The following ASPRV1 variants were observed in gnomAD, a reference collection of about 807,000 sequenced individuals.
ASPRV1 encodes aspartic peptidase retroviral like 1.
A neutral mutation model predicts 11.0 loss-of-function variants in ASPRV1; 7 were observed. The ratio of observed to expected loss-of-function variants is 0.64; its 90% confidence interval spans 0.36 to 1.20. ASPRV1 has a LOEUF of 1.20. ASPRV1 is among the 50% of genes most tolerant of loss of function. The pLI is 0.02. For missense variants in ASPRV1, 299 were observed against 320.0 expected (o/e 0.93, Z 0.50); for synonymous variants, 136 against 138.4 (o/e 0.98, Z 0.12).
chr2:70,055,272 C>T, the ASPRV1 span, among the ~76,000 whole-genome samples: 2 of 152,134 alleles, frequency 1.3e-5, no homozygotes, highest in Non-Finnish European at 2.9e-5. Context: ...CCACTACACT[C>T]TGATGCCACT....
At chr2:70,008,107 A>G in the ASPRV1 span, among the ~76,000 whole-genome samples, 1 of 152,016 alleles carries the variant, frequency 6.6e-6, no homozygotes, top group African/African-American at 2.4e-5. Context: ...AAGTACTGGG[A>G]TTATAGGCAT....
chr2:69,969,865 G>C, the ASPRV1 span, among the ~76,000 whole-genome samples: 1 of 151,062 alleles, frequency 6.6e-6, no homozygotes, highest in Non-Finnish European at 1.5e-5. Context: ...GATCAGAGGT[G>C]CACACCACCA....
At chr2:69,988,884 G>A in the ASPRV1 span, 1 of 450,834 alleles carries the variant, frequency 2.2e-6, no homozygotes, top group South Asian at 1.6e-5. Flanking sequence ...TCACACACAG[G>A]TTCCCCTCAA....
chr2:69,992,167 T>C, the ASPRV1 span, among the ~76,000 whole-genome samples: 9 of 152,234 alleles, frequency 5.9e-5, no homozygotes, highest in South Asian at 8.3e-4. Context: ...TTTCTGCCAG[T>C]GTGAGGACTA....
the ASPRV1 span, among the ~76,000 whole-genome samples, chr2:70,055,274 G>A: frequency 6.6e-6 from 1 of 152,018 alleles, no homozygotes; most frequent in Non-Finnish European, 1.5e-5. Context: ...ACTACACTCT[G>A]ATGCCACTGG....
At chr2:70,086,062 A>C in the ASPRV1 span, 1 of 149,874 alleles carries the variant, frequency 6.7e-6, no homozygotes. Flanking sequence ...CACATTTTAC[A>C]GTCATTCGCG....
At chr2:70,030,594 G>C in the ASPRV1 span, 1 of 152,306 alleles carries the variant, frequency 6.6e-6, no homozygotes, top group East Asian at 1.9e-4. Context: ...AGGCTTTCCA[G>C]ACATTAGGCC....
chr2:70,023,274 G>A, the ASPRV1 span, among the ~76,000 whole-genome samples: 4 of 152,172 alleles, frequency 2.6e-5, no homozygotes, highest in Non-Finnish European at 5.9e-5. Context: ...TGAATCTGAT[G>A]TGATACAACA....
chr2:69,945,607 C>T, the ASPRV1 span, among the ~76,000 whole-genome samples: 54 of 152,332 alleles, frequency 3.5e-4, no homozygotes, highest in South Asian at 8.7e-3. Context: ...TTCAGGCAGA[C>T]GGCAGGGCAG....
the ASPRV1 span, among the ~76,000 whole-genome samples, chr2:70,001,699 G>A: frequency 2.0e-5 from 3 of 152,114 alleles, no homozygotes; most frequent in Non-Finnish European, 4.4e-5. Flanking sequence ...GATGGAGGTT[G>A]CAGTGAGCCA....
At chr2:69,954,413 A>G in the ASPRV1 span, among the ~76,000 whole-genome samples, 9 of 152,212 alleles carry the variant, frequency 5.9e-5, no homozygotes, top group African/African-American at 2.2e-4. Context: ...ATCCAGATAT[A>G]CCATTGGCAG....
chr2:70,044,259 G>A, the ASPRV1 span, among the ~76,000 whole-genome samples: 1 of 152,088 alleles, frequency 6.6e-6, no homozygotes, highest in Non-Finnish European at 1.5e-5. Context: ...ATAGCAAACA[G>A]CTAGGGCAAG....
At chr2:69,963,075 T>C (rs1265571491), upstream of ASPRV1, 2 of 357,022 alleles carry the variant, frequency 5.6e-6, no homozygotes, top group African/African-American at 4.3e-5. Flanking sequence ...ATCCCAGCAG[T>C]ACCCTGCCTT....
downstream of ASPRV1, among the ~76,000 whole-genome samples, chr2:69,957,773 A>G (rs754287440): frequency 5.3e-5 from 8 of 152,084 alleles, no homozygotes; most frequent in Non-Finnish European, 1.0e-4. Context: ...TGGGTTCCCA[A>G]GCCTGCTGCA....
chr2:69,982,437 C>T, the ASPRV1 span, among the ~76,000 whole-genome samples: 1 of 152,260 alleles, frequency 6.6e-6, no homozygotes, highest in South Asian at 2.1e-4. Context: ...GCCTGGGTGA[C>T]AGAGCAAAAC....
chr2:70,005,064 TTA>T, the ASPRV1 span, among the ~76,000 whole-genome samples: 1 of 111,154 alleles, frequency 9.0e-6, no homozygotes, highest in East Asian at 4.0e-4. Flanking sequence ...TGGTTTCTTA[TTA>T]TTATTATTAT....
At chr2:70,037,249 C>T in the ASPRV1 span, among the ~76,000 whole-genome samples, 4 of 152,214 alleles carry the variant, frequency 2.6e-5, no homozygotes, top group African/African-American at 9.6e-5. Flanking sequence ...TGTAGATAAA[C>T]ACCTTGGCAT....
the ASPRV1 span, among the ~76,000 whole-genome samples, chr2:70,082,099 C>A: frequency 6.6e-6 from 1 of 152,002 alleles, no homozygotes; most frequent in East Asian, 1.9e-4. Flanking sequence ...CTCAGCCTCC[C>A]GAGTAGCTGG....
At chr2:69,990,010 C>T in the ASPRV1 span, among the ~76,000 whole-genome samples, 1 of 152,330 alleles carries the variant, frequency 6.6e-6, no homozygotes. Flanking sequence ...TCTTTTAACC[C>T]TCACGGAAAT....
Sources: allele counts gnomAD v4.1 joint callset (sites outside exome capture counted in the v4.1 genomes callset), GRCh38; gene constraint gnomAD v4.1.1; transcripts MANE v1.5; gene names NCBI Gene and HGNC (gene_info 2026-07-23, HGNC 2026-07-21).